Variants in MCTP2 observed in about 807,000 individuals in gnomAD.
MCTP2 encodes the protein multiple C2 and transmembrane domain-containing protein 2.
In MCTP2, 132 loss-of-function variants were observed where a neutral mutation model predicts 111.6. The ratio of observed to expected loss-of-function variants is 1.18; its 90% confidence interval spans 1.03 to 1.37. The LOEUF (loss-of-function observed/expected upper bound fraction) is 1.37, where lower values mean the gene tolerates loss of function less well. Among genes scored for constraint, MCTP2 ranks in the 40% most tolerant of loss-of-function variants. MCTP2 has a pLI of 0.00. For synonymous variants in MCTP2, 395 were observed against 387.7 expected (o/e 1.02, Z -0.22); for missense variants, 1,183 against 1,067.9 (o/e 1.11, Z -1.50).
chr15:94,269,075 T>C (rs1269625970), intron 1 of MCTP2, among the ~76,000 whole-genome samples: 1 of 152,222 alleles, frequency 6.6e-6, no homozygotes, highest in African/African-American at 2.4e-5. Context: ...TAAGGACTTT[T>C]TAAATTGCTC....
At position 94,381,477 on chromosome 15, in the gene MCTP2, G is replaced by A. The variant is rs371603992; in HGVS notation, c.1583-2545G>A. ...GTTCCTCATTAGCTGGGACAGCTAA[G>A]AGCGTGCTTGCTTGAGAGAGCGGGA... On this transcript the variant is annotated intron_variant, in intron 12 of 22. Transcript: ENST00000357742. Among the ~76,000 whole-genome samples, 4 of 152,338 alleles carry A rather than the reference G, an allele frequency of 2.6e-5. No homozygotes were observed. In the East Asian group the frequency reaches 7.7e-4, roughly 29 times the overall value.
At chr15:94,448,911 C>T (rs752024649) in intron 19 of MCTP2, among the ~76,000 whole-genome samples, 1 of 152,142 alleles carries the variant, frequency 6.6e-6, no homozygotes, top group African/African-American at 2.4e-5. Context: ...CATGGTGGCG[C>T]ACACCTGTAG....
chr15:94,279,569 T>A (rs1404736745), intron 1 of MCTP2, among the ~76,000 whole-genome samples: 1 of 152,098 alleles, frequency 6.6e-6, no homozygotes, highest in Non-Finnish European at 1.5e-5. Flanking sequence ...AGAGAGATAG[T>A]TTGACTTCCT....
chr15:94,436,620 G>A (rs540928384), intron 17 of MCTP2, among the ~76,000 whole-genome samples: 1 of 152,052 alleles, frequency 6.6e-6, no homozygotes, highest in African/African-American at 2.4e-5. Context: ...TAGCAAATGA[G>A]GTGTTTACCT....
intron 1 of MCTP2, among the ~76,000 whole-genome samples, chr15:94,288,692 A>G (rs2074883491): frequency 6.6e-6 from 1 of 152,232 alleles, no homozygotes; most frequent in Non-Finnish European, 1.5e-5. Flanking sequence ...CACATGGGAA[A>G]AGGCAATTAA....
chr15:94,401,777 T>C (rs1466883511), intron 16 of MCTP2, 123 bp from the exon 17 acceptor site: 4 of 632,182 alleles, frequency 6.3e-6, no homozygotes, highest in African/African-American at 5.6e-5. Context: ...TCCTTTCTAT[T>C]ATTATCATAT....
At chr15:94,434,860 T>TC (rs1284271848) in intron 17 of MCTP2, among the ~76,000 whole-genome samples, 132 of 131,392 alleles carry the variant, frequency 1.0e-3, no homozygotes, top group African/African-American at 3.4e-3. Flanking sequence ...TTTCTTTCTT[T>TC]TTTTTTTTCT....
At chr15:94,467,417 T>TCTTATAAATATATCA (rs199798042) in intron 20 of MCTP2, among the ~76,000 whole-genome samples, 1 of 122,404 alleles carries the variant, frequency 8.2e-6, no homozygotes, top group African/African-American at 3.4e-5. Flanking sequence ...TACTTACTTT[T>TCTTATAAATATATCA]ATTATAATAA....
Position 94,325,812 on chromosome 15 carries a change from A to ATTTTTTTTTTT in MCTP2, c.637+10191_637+10201dup, listed in dbSNP as rs557989149. Among the ~76,000 whole-genome samples, 306 of 91,824 alleles carry ATTTTTTTTTTT rather than the reference A, an allele frequency of 3.3e-3. 27 individuals carry two copies. Among genetic ancestry groups the ATTTTTTTTTTT allele is most frequent in the African/African-American group, 0.012 (258 of 22,310 alleles). 60.2% of individuals were successfully genotyped at this position (91,824 alleles called of 152,430 possible). A position where few individuals can be genotyped will look rare whatever the true frequency, so the allele number is the denominator to read the frequency against. ...GAACCTACTCTACTCCATCGCTCCG[A>ATTTTTTTTTTT]TTTTTTTTTTTTTTTTTTTTTTTTT... On this transcript the variant is annotated intron_variant, in intron 4 of 22. Coordinates refer to ENST00000357742, the MANE Select transcript of MCTP2 (RefSeq NM_001385001.1).
chr15:94,393,208 A>T (rs1309929574), intron 14 of MCTP2, among the ~76,000 whole-genome samples: 1 of 152,230 alleles, frequency 6.6e-6, no homozygotes, highest in Non-Finnish European at 1.5e-5. Context: ...ACACAACAGG[A>T]AAACATTTTT....
chr15:94,437,868 G>A (rs2083564794), intron 17 of MCTP2, among the ~76,000 whole-genome samples: 1 of 151,674 alleles, frequency 6.6e-6, no homozygotes, highest in African/African-American at 2.4e-5. Flanking sequence ...AGATGAAAGA[G>A]AAAAATGGGG....
chr15:94,474,915 A>G (rs1237139081), intron 21 of MCTP2, among the ~76,000 whole-genome samples: 1 of 151,396 alleles, frequency 6.6e-6, no homozygotes, highest in Non-Finnish European at 1.5e-5. Context: ...TTTTGCCCTC[A>G]TTGGTGCATT....
At chr15:94,306,975 A>AT (rs2075911991) in intron 2 of MCTP2, among the ~76,000 whole-genome samples, 1 of 152,116 alleles carries the variant, frequency 6.6e-6, no homozygotes, top group Non-Finnish European at 1.5e-5. Flanking sequence ...CATTTTTACT[A>AT]TTTTTGTGTG....
intron 1 of MCTP2, among the ~76,000 whole-genome samples, chr15:94,295,479 C>A (rs2152330882): frequency 6.6e-6 from 1 of 152,134 alleles, no homozygotes; most frequent in East Asian, 1.9e-4. Flanking sequence ...GCTGCTCCCA[C>A]AGAAACCACA....
At position 94,245,417 on chromosome 15, in the gene MCTP2, CATGT is replaced by C. The variant is rs1567265233; in HGVS notation, c.-66+13754_-66+13757del. On this transcript the variant is annotated intron_variant, in intron 1 of 22. Transcript: ENST00000357742. ...ATACATGTGTGTATATATTTATATA[CATGT>C]GTGTATATATTTATATATACACATA... is the stretch of plus-strand genomic sequence containing the variant. Among the ~76,000 whole-genome samples, 11 of 72,432 alleles carry C rather than the reference CATGT, an allele frequency of 1.5e-4. No homozygotes were observed. In the East Asian group the frequency reaches 3.0e-3, roughly 19 times the overall value. 47.5% of individuals were successfully genotyped at this position (72,432 alleles called of 152,430 possible).
Position 94,479,235 on chromosome 15 carries a change from G to C in MCTP2, c.*201G>C, listed in dbSNP as rs1340073446. ...CATGCATGGGTGTCCTAGTTGCGTA[G>C]AGGGTCAGCCCAGCGAAAAGCAACA... On this transcript the variant is annotated 3_prime_UTR_variant, in exon 23 of 23. Transcript: ENST00000357742. The C allele has an allele frequency of 3.3e-6, 2 of 605,032 alleles. No homozygotes were observed. Among genetic ancestry groups the C allele is most frequent in the South Asian group, 3.9e-5 (2 of 50,674 alleles). The allele number at this position is 605,032 out of a possible 1,614,324, so 37.5% of individuals were successfully genotyped here.
chr15:94,254,383 C>G (rs2072633812), intron 1 of MCTP2, among the ~76,000 whole-genome samples: 1 of 152,136 alleles, frequency 6.6e-6, no homozygotes, highest in Non-Finnish European at 1.5e-5. Flanking sequence ...TGGTTCGAAT[C>G]CTGGCACTAA....
At position 94,243,969 on chromosome 15, in the gene MCTP2, A is replaced by T. The variant is rs184414225; in HGVS notation, c.-66+12305A>T. ...TATATGTGTATATATTTACACACAC[A>T]TATGTATACACATACATATGTGTAT... is the stretch of plus-strand genomic sequence containing the variant. On this transcript the variant is annotated intron_variant, in intron 1 of 22. Transcript: ENST00000357742. Among the ~76,000 whole-genome samples, 46 of 147,010 alleles carry T rather than the reference A, an allele frequency of 3.1e-4. 2 individuals carry two copies. The East Asian group carries it at 7.2e-3, about 23-fold the overall frequency.
At chr15:94,309,163 G>GTAGC (rs1226977769) in intron 2 of MCTP2, among the ~76,000 whole-genome samples, 1 of 152,136 alleles carries the variant, frequency 6.6e-6, no homozygotes, top group Non-Finnish European at 1.5e-5. Context: ...TCATTGCCAT[G>GTAGC]TAGCTCACTT....
Sources: allele counts gnomAD v4.1 joint callset (sites outside exome capture counted in the v4.1 genomes callset), GRCh38; gene constraint gnomAD v4.1.1; transcripts MANE v1.5; gene names NCBI Gene and HGNC (gene_info 2026-07-23, HGNC 2026-07-21).